Variants in P4HB observed in about 807,000 individuals in gnomAD.
The protein encoded by P4HB is protein disulfide-isomerase.
P4HB carries 20 observed loss-of-function variants against 52.6 expected under a neutral mutation model. The ratio of observed to expected loss-of-function variants is 0.38; its 90% CI spans 0.27 to 0.55. The LOEUF is 0.55. P4HB is among the 20% of genes least tolerant of loss of function. The pLI is 0.74. For missense variants in P4HB, 601 were observed against 669.2 expected, an observed-to-expected ratio of 0.90 and a Z score of 1.12; for synonymous variants, 296 against 277.9, an observed-to-expected ratio of 1.07 and a Z score of -0.65.
chr17:81,859,999 C>A (rs1415519385), intron 1 of P4HB: 2 of 232,440 alleles, frequency 8.6e-6, no homozygotes, highest in African/African-American at 2.3e-5. Context: ...AGGAGCGGGG[C>A]GCCTTCCGGG....
At chr17:81,850,954 CAG>C (rs1380020244) in intron 4 of P4HB, among the ~76,000 whole-genome samples, 2 of 150,020 alleles carry the variant, frequency 1.3e-5, no homozygotes, top group East Asian at 2.0e-4. Context: ...TTTTTTGAGA[CAG>C]AGTCTTGCTC....
intron 1 of P4HB, chr17:81,859,790 T>C: frequency 3.7e-6 from 1 of 269,006 alleles, no homozygotes; most frequent in African/African-American, 2.2e-5. Context: ...GAGTATGAGA[T>C]GCACATCCGT....
Position 81,855,651 on chromosome 17 carries a change from C to A in P4HB, c.353-65G>T. On this transcript the variant is annotated intron_variant, in intron 2 of 10. Transcript: ENST00000331483. The surrounding 1 kb of genome is among the most constrained non-coding windows in gnomAD (Gnocchi z 4.3). The stretch of plus-strand genomic sequence containing the variant: ...AGTGCCGCCTGCCCTGCCGCGCCTG[C>A]TCCCGTCTCTGCTCTCTGCCAGCCA... 6.4e-7 allele frequency: 1 copy of A among 1,554,474 alleles called. No individual in the cohort carries two copies. Among genetic ancestry groups the A allele is most frequent in the Non-Finnish European group, 8.7e-7 (1 of 1,144,304 alleles).
intron 2 of P4HB, among the ~76,000 whole-genome samples, chr17:81,856,664 T>C (rs1362449842): frequency 6.7e-6 from 1 of 150,172 alleles, no homozygotes; most frequent in Non-Finnish European, 1.5e-5. Context: ...TTTTTTTTTT[T>C]TGAGACGGAA....
At chr17:81,853,729 G>A (rs914094326) in intron 4 of P4HB, among the ~76,000 whole-genome samples, 6 of 152,152 alleles carry the variant, frequency 3.9e-5, no homozygotes, top group African/African-American at 1.4e-4. Context: ...CAGGACAGGA[G>A]CTGAAGGTCC....
intron 4 of P4HB, among the ~76,000 whole-genome samples, chr17:81,853,296 G>C (rs1289138903): frequency 6.6e-6 from 1 of 152,186 alleles, no homozygotes. Flanking sequence ...GAAAGTGAAT[G>C]GGTCGGTGGC....
chr17:81,855,154 G>A lies in P4HB; in HGVS notation c.612C>T (p.Val204=), dbSNP rs776299168. Residue 204 remains valine, a synonymous_variant, in exon 4 of 11, where the codon GTC becomes GTT. Coordinates refer to ENST00000331483, the MANE Select transcript of P4HB (RefSeq NM_000918.4). This position sits in a 1 kb window ranked among gnomAD's most constrained non-coding sequence, Gnocchi z 4.3. ...TGGGGCCACTCACCTTCTTAAAGAG[G>A]ACAACCCCATCTTTGTCGAGCTGGT... ...SKYQLDKDGV[V]LFKKFDEGRN... is the part of the protein sequence containing the mutation. 15 of 1,613,980 alleles carry A rather than the reference G, an allele frequency of 9.3e-6. No homozygotes were observed. The highest frequency in any genetic ancestry group is 1.3e-5 in the African/African-American group (1 of 74,930).
rs1402265584 is a variant in P4HB at position 81,843,431 on chromosome 17, C to T, written c.*581G>A. On this transcript the variant is annotated 3_prime_UTR_variant, in exon 11 of 11. Coordinates refer to ENST00000331483, the MANE Select transcript of P4HB (RefSeq NM_000918.4). The stretch of plus-strand genomic sequence containing the variant: ...GCCGGGCCCCAGGGCTGGCAGCCAC[C>T]AGCTCCTCTTCCAGGCATGGGGGAC... 7.5e-6 allele frequency: 3 copies of T among 399,556 alleles called. No individual in the cohort carries two copies. Among genetic ancestry groups the T allele is most frequent in the African/African-American group, 6.2e-5 (3 of 48,638 alleles). The allele number at this position is 399,556 out of a possible 1,614,324, so 24.8% of individuals were successfully genotyped here.
At position 81,860,517 on chromosome 17, in the gene P4HB, C is replaced by T. The variant is rs1437548241; in HGVS notation, c.-46G>A. 3.2e-6 allele frequency: 4 copies of T among 1,234,694 alleles called. No homozygotes were observed. The highest frequency in any genetic ancestry group is 3.2e-5 in the East Asian group (1 of 31,104). 76.5% of individuals were successfully genotyped at this position (1,234,694 alleles called of 1,614,324 possible). ...GGCGCTTCGGTTGGCGCCGCCGGGA[C>T]AGCGGGGGCGACGAGAGCGCGCGCC... On this transcript the variant is annotated 5_prime_UTR_variant, in exon 1 of 11. Coordinates refer to ENST00000331483, the MANE Select transcript of P4HB (RefSeq NM_000918.4).
intron 4 of P4HB, among the ~76,000 whole-genome samples, chr17:81,852,957 A>T (rs1423166054): frequency 6.6e-6 from 1 of 152,248 alleles, no homozygotes; most frequent in Non-Finnish European, 1.5e-5. Context: ...TAAAAGCTCT[A>T]AAAAGACCTT....
intron 2 of P4HB, chr17:81,858,846 G>A (rs2038955073): frequency 3.5e-6 from 1 of 284,700 alleles, no homozygotes; most frequent in Non-Finnish European, 6.8e-6. Context: ...CCATGCTGCT[G>A]CTCCTAGGAA....
In P4HB at chr17:81,847,048, C is replaced by A; in HGVS notation, c.754G>T (p.Glu252Ter). The change falls in exon 6 of 11, where the codon GAA (glutamate) becomes TAA (stop). Residue 252 changes from glutamate (E) to a stop codon, truncating the protein, a stop_gained. Coordinates refer to ENST00000331483, the MANE Select transcript of P4HB (RefSeq NM_000918.4). LOFTEE classifies it high-confidence loss of function. Reference protein sequence around the residue: ...EQTAPKIFGGEIKTHILLFLP... With the variant: ...EQTAPKIFGG ...AACAGCAGGATGTGAGTCTTGATTT[C>A]ACCTCCAAAAATCTTCGGGGCTGTC... The A allele has an allele frequency of 6.2e-7, 1 of 1,614,088 alleles. No homozygotes were observed. Among genetic ancestry groups the A allele is most frequent in the East Asian group, 2.2e-5 (1 of 44,894 alleles).
intron 9 of P4HB, 96 bp downstream of exon 9, chr17:81,845,465 T>C (rs2038719140): frequency 1.6e-6 from 2 of 1,250,466 alleles, no homozygotes; most frequent in African/African-American, 1.5e-5. Context: ...CCCACCTGAC[T>C]AGCCCCAGGC....
chr17:81,858,781 C>T (rs917984182), intron 2 of P4HB: 7 of 209,870 alleles, frequency 3.3e-5, no homozygotes, highest in South Asian at 7.2e-5. Context: ...GCACGTGACG[C>T]GGCAGCTGGC....
chr17:81,850,821 T>C (rs2038819093), intron 4 of P4HB, among the ~76,000 whole-genome samples: 1 of 152,058 alleles, frequency 6.6e-6, no homozygotes, highest in South Asian at 2.1e-4. Context: ...GTAGAGACAG[T>C]CTTACTATGT....
Position 81,843,539 on chromosome 17 carries a change from A to G in P4HB, c.*473T>C. On this transcript the variant is annotated 3_prime_UTR_variant, in exon 11 of 11. Coordinates refer to ENST00000331483, the MANE Select transcript of P4HB (RefSeq NM_000918.4). ...CATGGCGACACTGCAGGCGGTACTG[A>G]GTGACCATGTCCAGTCCGGCTCCGT... 1 of 417,788 alleles carries G rather than the reference A, an allele frequency of 2.4e-6. No individual in the cohort carries two copies. Among genetic ancestry groups the G allele is most frequent in the Non-Finnish European group, 4.2e-6 (1 of 237,338 alleles). The allele number at this position is 417,788 out of a possible 1,614,324, so 25.9% of individuals were successfully genotyped here. A position where few individuals can be genotyped will look rare whatever the true frequency, so the allele number is the denominator to read the frequency against.
rs755065954 is a variant in P4HB, at chr17:81,847,236, G to C, written c.729+7C>G. ...TCCCCAGCCTGGGGGCTGCAGGGCA[G>C]CCGCACCTGCTCGGTGAACTCGATG... On this transcript the variant is annotated splice_region_variant and intron_variant, in intron 5 of 10. Coordinates refer to ENST00000331483, the MANE Select transcript of P4HB (RefSeq NM_000918.4). 1.2e-6 allele frequency: 2 copies of C among 1,613,700 alleles called. No individual in the cohort carries two copies. Among genetic ancestry groups the C allele is most frequent in the South Asian group, 2.2e-5 (2 of 91,072 alleles).
Position 81,846,108 on chromosome 17 carries a change from C to T in P4HB, c.1057-117G>A. On this transcript the variant is annotated intron_variant, in intron 7 of 10. Coordinates refer to ENST00000331483, the MANE Select transcript of P4HB (RefSeq NM_000918.4). This position sits in a 1 kb window ranked among gnomAD's most constrained non-coding sequence, Gnocchi z 5.7. ...GGCTGCCCTGGGCACACCAGGGTGG[C>T]AGCCGCAGACACCAACAGTGCCAAG... 7.9e-7 allele frequency: 1 copy of T among 1,261,176 alleles called. No homozygotes were observed. Among genetic ancestry groups the T allele is most frequent in the African/African-American group, 1.5e-5 (1 of 66,350 alleles). 78.1% of individuals were successfully genotyped at this position (1,261,176 alleles called of 1,614,324 possible).
chr17:81,857,392 A>AC (rs2038928521), intron 2 of P4HB, among the ~76,000 whole-genome samples: 1 of 151,136 alleles, frequency 6.6e-6, no homozygotes. Flanking sequence ...CAGGTGATCC[A>AC]CCCGTCTCAG....
Sources: gnomAD v4.1 joint callset for allele counts (sites outside exome capture counted in the v4.1 genomes callset) on GRCh38, gnomAD v4.1.1 for gene constraint, Gnocchi (gnomAD v3.1) non-coding constraint, MANE v1.5 for transcripts, NCBI Gene and HGNC (gene_info 2026-07-23, HGNC 2026-07-21) for gene names.